KCNH7: variants seen among roughly 807,000 people sequenced by gnomAD.
KCNH7 encodes potassium voltage-gated channel subfamily H member 7, also known as voltage-gated inwardly rectifying potassium channel KCNH7.
In KCNH7, 49 loss-of-function variants were observed where a neutral mutation model predicts 120.8. The ratio of observed to expected loss-of-function variants is 0.41; its 90% CI spans 0.32 to 0.51. The LOEUF is 0.51. KCNH7 is among the 20% of genes least tolerant of loss of function. The pLI, the probability that KCNH7 is intolerant of heterozygous loss-of-function variation, is 0.38. For synonymous variants in KCNH7, 547 were observed against 516.1 expected (o/e 1.06, Z -0.81); for missense variants, 1,097 against 1,446.6 (o/e 0.76, Z 3.92).
chr2:162,579,419 G>A (rs1430496766), intron 2 of KCNH7, among the ~76,000 whole-genome samples: 4 of 152,054 alleles, frequency 2.6e-5, no homozygotes, highest in Admixed American at 2.0e-4. Context: ...AAGAGCCACT[G>A]TAATCACTTT....
At chr2:162,752,425 CAAA>C (rs1574341899) in intron 2 of KCNH7, among the ~76,000 whole-genome samples, 3 of 152,238 alleles carry the variant, frequency 2.0e-5, no homozygotes, top group African/African-American at 7.2e-5. Flanking sequence ...ATTGAAGAAG[CAAA>C]CTTATTTATG....
chr2:162,496,192 T>A (rs1690491851), intron 6 of KCNH7, among the ~76,000 whole-genome samples: 1 of 152,126 alleles, frequency 6.6e-6, no homozygotes, highest in African/African-American at 2.4e-5. Flanking sequence ...GAATGGTGAT[T>A]GTCTACTTTC....
intron 4 of KCNH7, among the ~76,000 whole-genome samples, chr2:162,516,789 T>C (rs1691311869): frequency 6.6e-6 from 1 of 151,726 alleles, no homozygotes. Context: ...GGAAAAAGAT[T>C]GCATGGATTT....
rs542488467 is a variant in KCNH7, at chr2:162,432,527, G to T, written c.1954+2671C>A. ...ATCATGTTGACATTTAAAAATCAAC[G>T]ATCAGGATCTATTTTCAACTTTCTA... On this transcript the variant is annotated intron_variant, in intron 8 of 15. Transcript: ENST00000332142. Among the ~76,000 whole-genome samples the T allele has an allele frequency of 4.6e-5, 7 of 152,034 alleles. No individual in the cohort carries two copies. In the South Asian group the frequency reaches 1.2e-3, roughly 27 times the overall value.
chr2:162,791,219 C>A (rs1308319961), intron 2 of KCNH7, among the ~76,000 whole-genome samples: 1 of 151,986 alleles, frequency 6.6e-6, no homozygotes. Context: ...ATGCCTCCAG[C>A]TTTGTTCTTT....
intron 2 of KCNH7, among the ~76,000 whole-genome samples, chr2:162,560,292 G>A (rs979189005): frequency 2.0e-5 from 3 of 152,168 alleles, no homozygotes; most frequent in African/African-American, 7.2e-5. Flanking sequence ...TAAGGCTCTG[G>A]ACTTAGAGAT....
At chr2:162,617,515 G>A (rs962504576) in intron 2 of KCNH7, among the ~76,000 whole-genome samples, 4 of 151,880 alleles carry the variant, frequency 2.6e-5, no homozygotes, top group African/African-American at 9.7e-5. Context: ...ATTTAGAAAA[G>A]CAAAGCAACG....
chr2:162,462,132 G>C (rs888894164), intron 6 of KCNH7, among the ~76,000 whole-genome samples: 1 of 151,938 alleles, frequency 6.6e-6, no homozygotes, highest in Non-Finnish European at 1.5e-5. Flanking sequence ...GAATTAGTAT[G>C]ATCTTACTAT....
intron 2 of KCNH7, among the ~76,000 whole-genome samples, chr2:162,674,387 T>C (rs1440944637): frequency 1.3e-5 from 2 of 151,780 alleles, no homozygotes; most frequent in Non-Finnish European, 1.5e-5. Context: ...CATTCCTGAA[T>C]AGAAAAAGTC....
At chr2:162,671,766 T>C (rs914397497) in intron 2 of KCNH7, among the ~76,000 whole-genome samples, 1 of 151,710 alleles carries the variant, frequency 6.6e-6, no homozygotes, top group Non-Finnish European at 1.5e-5. Context: ...TATGCTCTAA[T>C]AAAAAAAGAA....
chr2:162,825,783 A>G (rs1372687267), intron 2 of KCNH7, among the ~76,000 whole-genome samples: 1 of 152,100 alleles, frequency 6.6e-6, no homozygotes, highest in Non-Finnish European at 1.5e-5. Flanking sequence ...TTCAGCAGAA[A>G]TTTCTCAGTG....
intron 5 of KCNH7, among the ~76,000 whole-genome samples, chr2:162,505,369 G>A (rs144384898): frequency 2.3e-4 from 35 of 151,444 alleles, no homozygotes; most frequent in African/African-American, 6.8e-4. Context: ...AAAAAAAGGC[G>A]CTATTAAAAA....
chr2:162,613,258 C>T (rs1298178171), intron 2 of KCNH7, among the ~76,000 whole-genome samples: 1 of 151,882 alleles, frequency 6.6e-6, no homozygotes, highest in Non-Finnish European at 1.5e-5. Context: ...CTCCAAAAGA[C>T]TATAATTAGA....
chr2:162,648,476 T>G (rs530493231), intron 2 of KCNH7, among the ~76,000 whole-genome samples: 1 of 152,166 alleles, frequency 6.6e-6, no homozygotes, highest in Non-Finnish European at 1.5e-5. Flanking sequence ...CCAAACCATA[T>G]CAACCACATC....
intron 8 of KCNH7, among the ~76,000 whole-genome samples, chr2:162,432,679 CAATCTGTTGCA>C (rs1169205652): frequency 6.6e-6 from 1 of 151,916 alleles, no homozygotes; most frequent in East Asian, 1.9e-4. Context: ...ATAATAAAAG[CAATCTGTTGCA>C]AACCCACAGC....
At chr2:162,659,422 AC>A (rs1574232449) in intron 2 of KCNH7, among the ~76,000 whole-genome samples, 1 of 151,736 alleles carries the variant, frequency 6.6e-6, no homozygotes, top group East Asian at 1.9e-4. Flanking sequence ...GCTCACTGCA[AC>A]CTTTGCTTCC....
intron 7 of KCNH7, among the ~76,000 whole-genome samples, chr2:162,441,739 A>C (rs1368784747): frequency 6.6e-6 from 1 of 152,078 alleles, no homozygotes; most frequent in Non-Finnish European, 1.5e-5. Context: ...ATTCCTTTGA[A>C]CCAATGACAC....
intron 2 of KCNH7, among the ~76,000 whole-genome samples, chr2:162,549,906 A>C (rs746779145): frequency 6.6e-6 from 1 of 152,146 alleles, no homozygotes; most frequent in Non-Finnish European, 1.5e-5. Context: ...CATGTACCCA[A>C]ATTTCAGTTG....
intron 2 of KCNH7, among the ~76,000 whole-genome samples, chr2:162,654,523 A>G (rs1483323269): frequency 6.6e-6 from 1 of 152,260 alleles, no homozygotes; most frequent in East Asian, 1.9e-4. Flanking sequence ...TGGGGAGAAA[A>G]GGAAAACCTT....
Sources: allele counts gnomAD v4.1 joint callset (sites outside exome capture counted in the v4.1 genomes callset), GRCh38; gene constraint gnomAD v4.1.1; transcripts MANE v1.5; gene names NCBI Gene and HGNC (gene_info 2026-07-23, HGNC 2026-07-21).